Variants in YES1 observed in about 807,000 individuals in gnomAD.
The protein encoded by YES1 is YES proto-oncogene 1, Src family tyrosine kinase, also known as tyrosine-protein kinase Yes.
In YES1, 39 loss-of-function variants were observed where a neutral mutation model predicts 70.4. The observed-to-expected ratio is 0.55, with a 90% CI of 0.43 to 0.72. The LOEUF (loss-of-function observed/expected upper bound fraction) is 0.72. Ranked by LOEUF, YES1 falls within the 30% of genes least tolerant of loss-of-function variation. YES1 has a pLI of 0.00. For synonymous variants in YES1, 198 were observed against 218.6 expected (o/e 0.91, Z 0.83); for missense variants, 495 against 644.8 (o/e 0.77, Z 2.52).
intron 1 of YES1, among the ~76,000 whole-genome samples, chr18:804,838 C>T (rs1336689570): frequency 1.5e-5 from 2 of 137,344 alleles, no homozygotes; most frequent in Non-Finnish European, 1.5e-5. Context: ...CACTTGAACC[C>T]AGGAGGCTGA....
chr18:733,366 C>T (rs1055920950), intron 10 of YES1, among the ~76,000 whole-genome samples: 1 of 152,168 alleles, frequency 6.6e-6, no homozygotes, highest in African/African-American at 2.4e-5. Flanking sequence ...GGTTTTCCTA[C>T]TTTTTATATC....
chr18:735,161 C>CAAAAAAAAAAAAAAAAAAAAAAAAAAA (rs71174281), intron 10 of YES1, among the ~76,000 whole-genome samples: 3 of 110,672 alleles, frequency 2.7e-5, no homozygotes, highest in East Asian at 3.3e-4. Flanking sequence ...TGTCTCAAAG[C>CAAAAAAAAAAAAAAAAAAAAAAAAAAA]AAAAAAAAAA....
intron 3 of YES1, among the ~76,000 whole-genome samples, chr18:751,233 A>G (rs2080338836): frequency 1.3e-5 from 2 of 152,180 alleles, no homozygotes; most frequent in African/African-American, 4.8e-5. Flanking sequence ...CAAATTTTCT[A>G]CAGTGTACCT....
At chr18:777,790 G>C (rs9945719) in intron 1 of YES1, among the ~76,000 whole-genome samples, 3,365 of 143,112 alleles carry the variant, frequency 0.024, 136 homozygotes, top group African/African-American at 0.083. Flanking sequence ...CTGGACAACA[G>C]AGTGAGACTC....
At chr18:764,311 C>T (rs537764995) in intron 1 of YES1, among the ~76,000 whole-genome samples, 2 of 152,274 alleles carry the variant, frequency 1.3e-5, no homozygotes, top group South Asian at 4.1e-4. Context: ...CAACCTCTGC[C>T]TCCTGGATTC....
chr18:786,943 G>A (rs998018263), intron 1 of YES1, among the ~76,000 whole-genome samples: 3 of 152,042 alleles, frequency 2.0e-5, no homozygotes, highest in Non-Finnish European at 2.9e-5. Context: ...AGGAGGAATG[G>A]TTCAGTCTTT....
intron 3 of YES1, among the ~76,000 whole-genome samples, chr18:749,649 A>G (rs182012678): frequency 0.012 from 1,887 of 152,082 alleles, 16 homozygotes; most frequent in Non-Finnish European, 0.017. Flanking sequence ...AGGTCAGGAG[A>G]TCGAGACCAT....
intron 10 of YES1, among the ~76,000 whole-genome samples, chr18:733,939 CAG>C (rs1370970079): frequency 1.3e-5 from 2 of 151,940 alleles, no homozygotes; most frequent in African/African-American, 4.8e-5. Context: ...TTTAGACAAA[CAG>C]ATGATCAATT....
rs1251193105 is a variant in YES1, at chr18:745,982, A to C, written c.540T>G (p.Gly180=). ...TTTCACTCTCTCTTACTAAGAAAAT[A>C]CCTCGTTGATTTCCAGGATTCAAAA... is the stretch of plus-strand genomic sequence containing the variant. The part of the protein sequence containing the change: ...RLLLNPGNQR[G]IFLVRESETT... Residue 180 remains glycine, a synonymous_variant, in exon 5 of 12, where the codon GGT becomes GGG. Transcript: ENST00000314574. 2.5e-6 allele frequency: 4 copies of C among 1,613,102 alleles called. No individual in the cohort carries two copies. The Admixed American group carries it at 6.7e-5, about 27-fold the overall frequency.
chr18:757,249 A>G lies in YES1; in HGVS notation c.-8-414T>C, dbSNP rs368984468. On this transcript the variant is annotated intron_variant, in intron 1 of 11. Coordinates refer to ENST00000314574, the MANE Select transcript of YES1 (RefSeq NM_005433.4). ...CTGGGCGCAGTGGCTCACGCCTGTA[A>G]TCCCAGCACTTTGGGAGGCCAAGGC... Among the ~76,000 whole-genome samples the G allele has an allele frequency of 1.7e-3, 253 of 152,320 alleles. 1 individual carries two copies. Among genetic ancestry groups the G allele is most frequent in the African/African-American group, 4.5e-3 (185 of 41,572 alleles).
At chr18:737,639 AG>A (rs748052452) in intron 9 of YES1, among the ~76,000 whole-genome samples, 5 of 152,238 alleles carry the variant, frequency 3.3e-5, no homozygotes, top group Non-Finnish European at 7.3e-5. Flanking sequence ...CACAAGGTAT[AG>A]GTTCCCAAAC....
chr18:761,804 A>G (rs553076252), intron 1 of YES1, among the ~76,000 whole-genome samples: 1 of 152,364 alleles, frequency 6.6e-6, no homozygotes, highest in South Asian at 2.1e-4. Context: ...TCATTTTGAA[A>G]TATTACTAAT....
At chr18:767,866 A>G (rs1259447077) in intron 1 of YES1, among the ~76,000 whole-genome samples, 1 of 152,044 alleles carries the variant, frequency 6.6e-6, no homozygotes, top group African/African-American at 2.4e-5. Context: ...ACAACTGGCT[A>G]ATTTTTGTAT....
chr18:798,377 CA>C (rs776120321), intron 1 of YES1, among the ~76,000 whole-genome samples: 12 of 152,164 alleles, frequency 7.9e-5, no homozygotes, highest in African/African-American at 9.7e-5. Context: ...CATCTTCTGA[CA>C]ACATCCTAAG....
chr18:727,839 T>C (rs1279357198), intron 11 of YES1, among the ~76,000 whole-genome samples: 6 of 152,160 alleles, frequency 3.9e-5, no homozygotes, highest in African/African-American at 1.4e-4. Flanking sequence ...AAGGCATAAT[T>C]TCACTCTTCC....
chr18:777,816 A>AG (rs1905460114), intron 1 of YES1, among the ~76,000 whole-genome samples: 1 of 151,914 alleles, frequency 6.6e-6, no homozygotes, highest in Non-Finnish European at 1.5e-5. Flanking sequence ...TAAAAAAAAA[A>AG]AAAAAAAAAA....
intron 2 of YES1, among the ~76,000 whole-genome samples, chr18:753,464 C>G (rs1466380325): frequency 2.0e-5 from 3 of 152,014 alleles, no homozygotes; most frequent in Non-Finnish European, 4.4e-5. Context: ...TCAACATAAT[C>G]CCACTGACTT....
intron 8 of YES1, among the ~76,000 whole-genome samples, chr18:741,698 G>T (rs1279340348): frequency 6.6e-6 from 1 of 152,116 alleles, no homozygotes; most frequent in African/African-American, 2.4e-5. Flanking sequence ...AGCTACTCAG[G>T]AGGCTGAGAT....
intron 1 of YES1, among the ~76,000 whole-genome samples, chr18:805,137 CATT>C (rs1907036289): frequency 6.6e-6 from 1 of 152,080 alleles, no homozygotes; most frequent in African/African-American, 2.4e-5. Flanking sequence ...AGAAATGCCT[CATT>C]AGGCAATTCT....
Sources: allele counts gnomAD v4.1 joint callset (sites outside exome capture counted in the v4.1 genomes callset), GRCh38; gene constraint gnomAD v4.1.1; transcripts MANE v1.5; gene names NCBI Gene and HGNC (gene_info 2026-07-23, HGNC 2026-07-21).